LIMS1: variants seen among roughly 807,000 people sequenced by gnomAD.
The protein encoded by LIMS1 is LIM and senescent cell antigen-like-containing domain protein 1.
A neutral mutation model predicts 44.1 loss-of-function variants in LIMS1; 18 were observed. The observed-to-expected ratio is 0.41, with a 90% confidence interval of 0.28 to 0.61. The LOEUF (loss-of-function observed/expected upper bound fraction) is 0.61, where lower values mean the gene tolerates loss of function less well. LIMS1 is among the 20% of genes least tolerant of loss of function. The pLI, the probability that LIMS1 is intolerant of heterozygous loss-of-function variation, is 0.32. For missense variants in LIMS1, 201 were observed against 422.0 expected, an observed-to-expected ratio of 0.48 and a Z score of 4.59; for synonymous variants, 93 against 149.1, an observed-to-expected ratio of 0.62 and a Z score of 2.74.
chr2:108,534,846 A>G (rs1462894579), intron 1 of LIMS1, among the ~76,000 whole-genome samples: 1 of 152,100 alleles, frequency 6.6e-6, no homozygotes, highest in East Asian at 1.9e-4. Flanking sequence ...CGCTGCTCCG[A>G]GAGTTCCATA....
At chr2:108,546,678 CT>C (rs377170614) in intron 1 of LIMS1, among the ~76,000 whole-genome samples, 5,872 of 88,616 alleles carry the variant, frequency 0.066, 181 homozygotes, top group East Asian at 0.33. Flanking sequence ...TTTGAGTGAT[CT>C]TTTTTTTTTT....
chr2:108,638,373 G>C (rs1243420186), intron 1 of LIMS1, among the ~76,000 whole-genome samples: 1 of 152,222 alleles, frequency 6.6e-6, no homozygotes, highest in South Asian at 2.1e-4. Flanking sequence ...TCTGCAGGCA[G>C]TCTAGGGACT....
chr2:108,550,568 C>A (rs574590684), intron 1 of LIMS1, among the ~76,000 whole-genome samples: 1 of 151,956 alleles, frequency 6.6e-6, no homozygotes, highest in Admixed American at 6.6e-5. Context: ...GTAATCCCAG[C>A]ACTTTGGGAG....
chr2:108,609,151 A>G (rs1011692523), intron 1 of LIMS1, among the ~76,000 whole-genome samples: 1 of 152,160 alleles, frequency 6.6e-6, no homozygotes, highest in Non-Finnish European at 1.5e-5. Flanking sequence ...GAGGGTTTGA[A>G]GTGTTCTCAT....
At chr2:108,594,216 A>G (rs1291354539) in intron 1 of LIMS1, among the ~76,000 whole-genome samples, 1 of 152,210 alleles carries the variant, frequency 6.6e-6, no homozygotes, top group African/African-American at 2.4e-5. Context: ...AAAGTTCACC[A>G]CAGACCCCTG....
chr2:108,534,600 G>C lies in LIMS1; in HGVS notation c.32+6G>C. 1 of 1,140,164 alleles carries C rather than the reference G, an allele frequency of 8.8e-7. No individual in the cohort carries two copies. Among genetic ancestry groups the C allele is most frequent in the Non-Finnish European group, 1.1e-6 (1 of 923,488 alleles). 70.6% of individuals were successfully genotyped at this position (1,140,164 alleles called of 1,614,324 possible). A position where few individuals can be genotyped will look rare whatever the true frequency, so the allele number is the denominator to read the frequency against. On this transcript the variant is annotated splice_donor_region_variant and intron_variant, in intron 1 of 9. Coordinates refer to ENST00000544547, the Ensembl canonical transcript of LIMS1. ...GCGGCCGGGATGACCCACAGGTACG[G>C]GCCGCACCGCGCGGCCCCCGCCACG...
exon 1 of LIMS1, chr2:108,534,418 C>T (rs1684041413): frequency 2.2e-6 from 1 of 463,426 alleles, no homozygotes; most frequent in Non-Finnish European, 3.2e-6. Context: ...CCCTCCCGCG[C>T]CCCCGCGCGG....
intron 1 of LIMS1, among the ~76,000 whole-genome samples, chr2:108,545,391 G>A (rs566753108): frequency 1.8e-4 from 28 of 152,168 alleles, no homozygotes; most frequent in Admixed American, 1.7e-3. Context: ...CCACCACCTC[G>A]CCTGGCTAAT....
At chr2:108,627,066 G>A (rs1688617610) in intron 1 of LIMS1, among the ~76,000 whole-genome samples, 1 of 152,098 alleles carries the variant, frequency 6.6e-6, no homozygotes, top group Non-Finnish European at 1.5e-5. Context: ...CTTAACTGTT[G>A]TGTTACAGTT....
chr2:108,550,620 C>T (rs1184955845), intron 1 of LIMS1, among the ~76,000 whole-genome samples: 8 of 147,744 alleles, frequency 5.4e-5, no homozygotes, highest in Admixed American at 6.8e-5. Flanking sequence ...TCGAGACCAT[C>T]CTAGCTAACA....
At chr2:108,661,891 T>TC (rs766330602) in intron 2 of LIMS1, among the ~76,000 whole-genome samples, 2 of 152,148 alleles carry the variant, frequency 1.3e-5, no homozygotes, top group Non-Finnish European at 2.9e-5. Flanking sequence ...TTCTTTTTTT[T>TC]CTCTCCTGTA....
At chr2:108,577,852 C>T (rs1685727357) in intron 1 of LIMS1, among the ~76,000 whole-genome samples, 1 of 152,120 alleles carries the variant, frequency 6.6e-6, no homozygotes, top group Non-Finnish European at 1.5e-5. Flanking sequence ...CATCTGTTCT[C>T]TCCTCTTACC....
In LIMS1 at chr2:108,547,922, C is replaced by G. The variant is rs767016395; in HGVS notation, c.32+13328C>G. 2.0e-5 allele frequency among the ~76,000 whole-genome samples: 3 copies of G among 152,260 alleles called. No individual in the cohort carries two copies. The East Asian group carries it at 5.8e-4, about 29-fold the overall frequency. ...GAATCTGGAGATGGAGTAATTCATCCGTCAAATGAGCAGCCTTTTGTTTTA... is the reference window on the plus strand; with the variant it reads ...GAATCTGGAGATGGAGTAATTCATCGGTCAAATGAGCAGCCTTTTGTTTTA... On this transcript the variant is annotated intron_variant, in intron 1 of 9. Transcript: ENST00000544547.
intron 1 of LIMS1, among the ~76,000 whole-genome samples, chr2:108,536,331 T>G (rs200325693): frequency 6.6e-6 from 1 of 152,138 alleles, no homozygotes; most frequent in Admixed American, 6.5e-5. Context: ...ATTCCCCTCC[T>G]CCCGCCAGTC....
chr2:108,559,379 T>G (rs762524259), intron 1 of LIMS1, among the ~76,000 whole-genome samples: 3 of 152,252 alleles, frequency 2.0e-5, no homozygotes, highest in Non-Finnish European at 4.4e-5. Flanking sequence ...TTTTAAAAGT[T>G]TATTAGTCTG....
rs553246948 is a variant in LIMS1 at position 108,586,332 on chromosome 2, G to A, written c.32+51738G>A. Among the ~76,000 whole-genome samples, 7 of 152,280 alleles carry A rather than the reference G, an allele frequency of 4.6e-5. No homozygotes were observed. In the South Asian group the frequency reaches 1.2e-3, roughly 27 times the overall value. On this transcript the variant is annotated intron_variant, in intron 1 of 9. Transcript: ENST00000544547. ...ACTGGAGCCTATTTACAAACTCTTCGGGGGAAAGAGCCCAAAAAGAAGGAA... is the reference window on the plus strand; with the variant it reads ...ACTGGAGCCTATTTACAAACTCTTCAGGGGAAAGAGCCCAAAAAGAAGGAA...
chr2:108,556,986 C>G (rs763173857), intron 1 of LIMS1, among the ~76,000 whole-genome samples: 1 of 152,194 alleles, frequency 6.6e-6, no homozygotes, highest in Admixed American at 6.6e-5. Flanking sequence ...TTCTTTAAAA[C>G]AGTTTCTTTT....
Position 108,561,508 on chromosome 2 carries a change from A to T in LIMS1, c.32+26914A>T, listed in dbSNP as rs549998635. On this transcript the variant is annotated intron_variant, in intron 1 of 9. Coordinates refer to ENST00000544547, the Ensembl canonical transcript of LIMS1. ...GTTAGGGGTGGGGGTGTATGCATCT[A>T]TGTGTGTGTAGATGGAGAAAGATAT... 2.0e-5 allele frequency among the ~76,000 whole-genome samples: 3 copies of T among 152,044 alleles called. No homozygotes were observed. In the South Asian group the frequency reaches 6.2e-4, roughly 32 times the overall value.
chr2:108,574,885 G>C (rs1242612544), intron 1 of LIMS1, among the ~76,000 whole-genome samples: 1 of 152,156 alleles, frequency 6.6e-6, no homozygotes, highest in Non-Finnish European at 1.5e-5. Flanking sequence ...TTACTATATG[G>C]TTTTATGGAA....
Sources: allele counts gnomAD v4.1 joint callset (sites outside exome capture counted in the v4.1 genomes callset), GRCh38; gene constraint gnomAD v4.1.1; transcripts MANE v1.5; gene names NCBI Gene and HGNC (gene_info 2026-07-23, HGNC 2026-07-21).